Variants in CSMD1 observed in about 807,000 individuals in gnomAD.
CSMD1 encodes CUB and Sushi multiple domains 1.
A neutral mutation model predicts 417.5 loss-of-function variants in CSMD1; 213 were observed. The ratio of observed to expected loss-of-function variants is 0.51; its 90% confidence interval spans 0.46 to 0.57. The LOEUF (loss-of-function observed/expected upper bound fraction) is 0.57, where lower values mean the gene tolerates loss of function less well. Among genes scored for constraint, CSMD1 ranks in the 20% least tolerant of loss-of-function variants. The pLI is 0.00. For synonymous variants in CSMD1, 2,862 were observed against 1,736.8 expected (o/e 1.65, Z -16.11); for missense variants, 6,923 against 4,529.7 (o/e 1.53, Z -15.17).
At chr8:3,802,701 G>C (rs1370762123) in intron 5 of CSMD1, among the ~76,000 whole-genome samples, 1 of 152,104 alleles carries the variant, frequency 6.6e-6, no homozygotes, top group Non-Finnish European at 1.5e-5. Context: ...ATAAAATATA[G>C]TGCTTGACAA....
chr8:3,663,980 A>G (rs1424978122), intron 7 of CSMD1, among the ~76,000 whole-genome samples: 1 of 152,172 alleles, frequency 6.6e-6, no homozygotes, highest in African/African-American at 2.4e-5. Context: ...ACTAAATCTT[A>G]TTGTAAATCT....
At chr8:3,707,416 G>A (rs936151526) in intron 7 of CSMD1, among the ~76,000 whole-genome samples, 1 of 152,144 alleles carries the variant, frequency 6.6e-6, no homozygotes, top group Non-Finnish European at 1.5e-5. Context: ...CGCACCCACA[G>A]AGCAAGGCTA....
intron 3 of CSMD1, among the ~76,000 whole-genome samples, chr8:4,094,756 G>A (rs58726138): frequency 1.1e-4 from 17 of 151,966 alleles, no homozygotes; most frequent in African/African-American, 3.4e-4. Context: ...AATGATGGAG[G>A]TGAGATGCTG....
chr8:4,620,628 T>C (rs965285572), intron 2 of CSMD1, among the ~76,000 whole-genome samples: 1 of 151,820 alleles, frequency 6.6e-6, no homozygotes, highest in African/African-American at 2.4e-5. Context: ...AGCCCAAATA[T>C]ATGAAATCAT....
intron 4 of CSMD1, among the ~76,000 whole-genome samples, chr8:4,010,596 C>A (rs1816467689): frequency 6.7e-6 from 1 of 150,064 alleles, no homozygotes; most frequent in South Asian, 2.1e-4. Flanking sequence ...TGACTACATT[C>A]TGAGCCCAAC....
intron 7 of CSMD1, among the ~76,000 whole-genome samples, chr8:3,664,653 T>C (rs114361323): frequency 0.015 from 2,272 of 152,318 alleles, 49 homozygotes; most frequent in African/African-American, 0.051. Flanking sequence ...ATCAGGAGCA[T>C]CTTTTCTCAT....
intron 3 of CSMD1, among the ~76,000 whole-genome samples, chr8:4,375,644 G>A (rs980055023): frequency 1.3e-5 from 2 of 152,058 alleles, no homozygotes; most frequent in African/African-American, 2.4e-5. Flanking sequence ...TGGGATGGTC[G>A]CGGCTGGTGG....
intron 5 of CSMD1, among the ~76,000 whole-genome samples, chr8:3,953,599 C>T (rs554665632): frequency 6.6e-6 from 1 of 151,972 alleles, no homozygotes; most frequent in Non-Finnish European, 1.5e-5. Context: ...TGGGTCACTG[C>T]GCCCAAGCAT....
intron 10 of CSMD1, among the ~76,000 whole-genome samples, chr8:3,571,969 C>A (rs1799962949): frequency 6.6e-6 from 1 of 152,150 alleles, no homozygotes; most frequent in South Asian, 2.1e-4. Flanking sequence ...GTGGATCCCC[C>A]TAAAGCGCAG....
At chr8:3,746,052 C>T (rs116290478) in intron 6 of CSMD1, among the ~76,000 whole-genome samples, 1,871 of 152,150 alleles carry the variant, frequency 0.012, 13 homozygotes, top group African/African-American at 0.026. Flanking sequence ...CACACCGCTA[C>T]CTACAAGAGG....
At chr8:3,884,428 A>C (rs1255044855) in intron 5 of CSMD1, among the ~76,000 whole-genome samples, 1 of 152,202 alleles carries the variant, frequency 6.6e-6, no homozygotes, top group Non-Finnish European at 1.5e-5. Flanking sequence ...CAAGGGACAC[A>C]GAAAGACACC....
chr8:4,325,792 CCATTTAAAA>C (rs1799524917), intron 3 of CSMD1, among the ~76,000 whole-genome samples: 1 of 151,998 alleles, frequency 6.6e-6, no homozygotes, highest in South Asian at 2.1e-4. Flanking sequence ...AAATGCTGGC[CCATTTAAAA>C]TGCTGATGAC....
At chr8:3,900,238 G>A (rs1267879469) in intron 5 of CSMD1, among the ~76,000 whole-genome samples, 30 of 150,668 alleles carry the variant, frequency 2.0e-4, no homozygotes, top group Non-Finnish European at 5.9e-5. Context: ...TAACAGTGGA[G>A]CTGGGTAACA....
intron 8 of CSMD1, among the ~76,000 whole-genome samples, chr8:3,591,058 T>C (rs768894370): frequency 1.4e-4 from 22 of 152,342 alleles, no homozygotes; most frequent in Admixed American, 1.1e-3. Flanking sequence ...GCCTTTCTAT[T>C]GGCAAGTTAC....
At chr8:3,540,889 G>T (rs963467048) in intron 10 of CSMD1, among the ~76,000 whole-genome samples, 10 of 152,188 alleles carry the variant, frequency 6.6e-5, no homozygotes, top group African/African-American at 2.4e-4. Flanking sequence ...ACAGATGCCG[G>T]CGAGGCTGTG....
intron 3 of CSMD1, among the ~76,000 whole-genome samples, chr8:4,295,049 T>TACACATATAATCTTAAGATTAC (rs761885547): frequency 8.8e-5 from 10 of 114,024 alleles, no homozygotes; most frequent in South Asian, 8.5e-4. Context: ...GTATATATTA[T>TACACATATAATCTTAAGATTAC]ACACATATAA....
intron 30 of CSMD1, among the ~76,000 whole-genome samples, chr8:3,210,613 T>A (rs1797550306): frequency 6.7e-6 from 1 of 148,432 alleles, no homozygotes; most frequent in East Asian, 2.0e-4. Context: ...TGTATAAATA[T>A]ATAGACAGGA....
At chr8:4,264,413 T>C (rs1201361069) in intron 3 of CSMD1, among the ~76,000 whole-genome samples, 3 of 152,228 alleles carry the variant, frequency 2.0e-5, no homozygotes, top group Non-Finnish European at 2.9e-5. Context: ...GTTGCACATG[T>C]ATCTAAGGAT....
chr8:4,373,449 A>G (rs1802522658), intron 3 of CSMD1, among the ~76,000 whole-genome samples: 2 of 152,190 alleles, frequency 1.3e-5, no homozygotes, highest in Admixed American at 1.3e-4. Context: ...AAAACACTGC[A>G]ATATCTCTGA....
Sources: gnomAD v4.1 joint callset for allele counts (sites outside exome capture counted in the v4.1 genomes callset) on GRCh38, gnomAD v4.1.1 for gene constraint, MANE v1.5 for transcripts, NCBI Gene and HGNC (gene_info 2026-07-23, HGNC 2026-07-21) for gene names.